The following NALF1 variants were observed in gnomAD, a reference collection of about 807,000 sequenced individuals.
NALF1 encodes NALCN channel auxiliary factor 1.
A neutral mutation model predicts 48.4 loss-of-function variants in NALF1; 3 were observed. The ratio of observed to expected loss-of-function variants is 0.06; its 90% CI spans 0.03 to 0.16. The LOEUF is 0.16. Ranked by LOEUF, NALF1 falls within the 10% of genes least tolerant of loss-of-function variation. The pLI, the probability that NALF1 is intolerant of heterozygous loss-of-function variation, is 1.00. For synonymous variants in NALF1, 262 were observed against 245.7 expected, an observed-to-expected ratio of 1.07 and a Z score of -0.62; for missense variants, 526 against 571.5, an observed-to-expected ratio of 0.92 and a Z score of 0.81.
chr13:107,249,200 G>C (rs1246322859), intron 1 of NALF1, among the ~76,000 whole-genome samples: 1 of 151,918 alleles, frequency 6.6e-6, no homozygotes, highest in East Asian at 1.9e-4. Flanking sequence ...TTTATTCTTT[G>C]AGATTTTAAT....
chr13:107,221,496 C>T (rs774341650), intron 1 of NALF1, among the ~76,000 whole-genome samples: 9 of 152,092 alleles, frequency 5.9e-5, no homozygotes, highest in Admixed American at 1.3e-4. Flanking sequence ...AGGAGAATCA[C>T]TTGAACTCAG....
At chr13:107,648,062 T>G (rs1477380113) in intron 1 of NALF1, among the ~76,000 whole-genome samples, 1 of 152,136 alleles carries the variant, frequency 6.6e-6, no homozygotes, top group African/African-American at 2.4e-5. Flanking sequence ...TTTACAGATT[T>G]CAGTATACAG....
At chr13:107,449,057 A>C (rs1293100563) in intron 1 of NALF1, among the ~76,000 whole-genome samples, 1 of 152,176 alleles carries the variant, frequency 6.6e-6, no homozygotes, top group African/African-American at 2.4e-5. Flanking sequence ...CAGCCTGGCC[A>C]ACATGGTGAA....
intron 1 of NALF1, among the ~76,000 whole-genome samples, chr13:107,374,778 A>G (rs144432764): frequency 6.6e-6 from 1 of 152,176 alleles, no homozygotes; most frequent in African/African-American, 2.4e-5. Flanking sequence ...TATGAAGGTG[A>G]GTTTGGGCCC....
chr13:107,431,392 CAT>C lies in NALF1; in HGVS notation c.916-220639_916-220638del, dbSNP rs1437047315. Among the ~76,000 whole-genome samples the C allele has an allele frequency of 1.5e-3, 234 of 152,316 alleles. 1 individual carries two copies. The highest frequency in any genetic ancestry group is 5.1e-3 in the African/African-American group (213 of 41,568). On this transcript the variant is annotated intron_variant, in intron 1 of 2. Coordinates refer to ENST00000375915, the MANE Select transcript of NALF1 (RefSeq NM_001080396.3). ...GGTTTCTCCTAAACACACACACACA[CAT>C]GCGCATGCGTGCACACACAAACACA...
intron 1 of NALF1, among the ~76,000 whole-genome samples, chr13:107,422,511 G>A (rs1230549348): frequency 6.6e-6 from 1 of 151,560 alleles, no homozygotes; most frequent in East Asian, 1.9e-4. Context: ...TCACATTCAG[G>A]ACATTGATGG....
chr13:107,456,517 G>A (rs1197824894), intron 1 of NALF1, among the ~76,000 whole-genome samples: 1 of 152,096 alleles, frequency 6.6e-6, no homozygotes, highest in African/African-American at 2.4e-5. Context: ...GGTATTCTAA[G>A]CTGTGTTTAC....
intron 1 of NALF1, among the ~76,000 whole-genome samples, chr13:107,242,620 C>A (rs1251703249): frequency 1.3e-5 from 2 of 152,088 alleles, no homozygotes; most frequent in African/African-American, 4.8e-5. Context: ...TAACACAATT[C>A]ATAAATAATT....
intron 1 of NALF1, among the ~76,000 whole-genome samples, chr13:107,484,532 A>G (rs1441517463): frequency 2.0e-5 from 3 of 152,106 alleles, no homozygotes; most frequent in Non-Finnish European, 4.4e-5. Context: ...GTAAAGAACA[A>G]TCAAGACTTT....
chr13:107,418,786 C>T (rs999503022), intron 1 of NALF1, among the ~76,000 whole-genome samples: 5 of 152,134 alleles, frequency 3.3e-5, no homozygotes, highest in Non-Finnish European at 7.4e-5. Context: ...TCCCATTTAT[C>T]ATTACAATTC....
At chr13:107,381,049 AT>A (rs1883429421) in intron 1 of NALF1, among the ~76,000 whole-genome samples, 1 of 149,786 alleles carries the variant, frequency 6.7e-6, no homozygotes, top group African/African-American at 2.4e-5. Context: ...TATATGTAAA[AT>A]AAAAAGTAAA....
rs187978428 is a variant in NALF1, at chr13:107,410,359, C to T, written c.916-199604G>A. 7.8e-4 allele frequency among the ~76,000 whole-genome samples: 119 copies of T among 152,212 alleles called. 1 individual carries two copies. Among genetic ancestry groups the T allele is most frequent in the Admixed American group, 2.8e-3 (43 of 15,284 alleles). On this transcript the variant is annotated intron_variant, in intron 1 of 2. Coordinates refer to ENST00000375915, the MANE Select transcript of NALF1 (RefSeq NM_001080396.3). ...CTCCTTGTCTTCCCTGTTGGTGTGTCCCATGTCTCTGAACATTGACACACC... is the reference window on the plus strand; with the variant it reads ...CTCCTTGTCTTCCCTGTTGGTGTGTTCCATGTCTCTGAACATTGACACACC...
chr13:107,478,454 T>C (rs1885206365), intron 1 of NALF1, among the ~76,000 whole-genome samples: 1 of 152,058 alleles, frequency 6.6e-6, no homozygotes, highest in African/African-American at 2.4e-5. Context: ...ATATAACATA[T>C]CAAACAAGAA....
chr13:107,776,601 TGAA>T (rs1877736574), intron 1 of NALF1, among the ~76,000 whole-genome samples: 1 of 152,206 alleles, frequency 6.6e-6, no homozygotes, highest in Admixed American at 6.5e-5. Context: ...AAGCATGTAT[TGAA>T]TACCTACTGT....
chr13:107,593,923 T>A (rs1878671713), intron 1 of NALF1, among the ~76,000 whole-genome samples: 1 of 151,924 alleles, frequency 6.6e-6, no homozygotes, highest in African/African-American at 2.4e-5. Flanking sequence ...CTAACAATAT[T>A]TAGGGGAGTC....
intron 1 of NALF1, among the ~76,000 whole-genome samples, chr13:107,591,408 C>A (rs1269700350): frequency 6.6e-6 from 1 of 151,978 alleles, no homozygotes; most frequent in African/African-American, 2.4e-5. Flanking sequence ...ACATCCAAAC[C>A]TATCTTTTAG....
At chr13:107,772,548 T>C (rs1162178231) in intron 1 of NALF1, among the ~76,000 whole-genome samples, 1 of 152,160 alleles carries the variant, frequency 6.6e-6, no homozygotes, top group African/African-American at 2.4e-5. Context: ...ATATAAATGC[T>C]ATGTGAAAAA....
chr13:107,776,567 A>T (rs947082877), intron 1 of NALF1, among the ~76,000 whole-genome samples: 23 of 152,208 alleles, frequency 1.5e-4, no homozygotes, highest in African/African-American at 4.3e-4. Context: ...ACACTTATTA[A>T]TTCATCTATT....
chr13:107,235,654 T>C (rs56844446), intron 1 of NALF1, among the ~76,000 whole-genome samples: 5 of 152,218 alleles, frequency 3.3e-5, no homozygotes, highest in African/African-American at 1.2e-4. Flanking sequence ...CAGTCATCCA[T>C]TTTTAAAAAT....
Sources: gnomAD v4.1 joint callset for allele counts (sites outside exome capture counted in the v4.1 genomes callset) on GRCh38, gnomAD v4.1.1 for gene constraint, MANE v1.5 for transcripts, NCBI Gene and HGNC (gene_info 2026-07-23, HGNC 2026-07-21) for gene names.